Variants in PPP1R36 observed in about 807,000 individuals in gnomAD.
The protein encoded by PPP1R36 is protein phosphatase 1 regulatory subunit 36.
PPP1R36 carries 47 observed loss-of-function variants against 53.4 expected under a neutral mutation model. The observed-to-expected ratio is 0.88, with a 90% confidence interval of 0.70 to 1.12. The LOEUF (loss-of-function observed/expected upper bound fraction) is 1.12. Ranked by LOEUF, PPP1R36 falls within the 50% of genes most tolerant of loss-of-function variation. The probability of loss-of-function intolerance (pLI) is 0.00; values close to 1 mark genes in which losing one functional copy is unlikely to be tolerated. For missense variants in PPP1R36, 456 were observed against 513.9 expected (o/e 0.89, Z 1.09); for synonymous variants, 153 against 170.5 (o/e 0.90, Z 0.80).
At chr14:64,571,432 G>A (rs1210532338) in intron 7 of PPP1R36, among the ~76,000 whole-genome samples, 1 of 152,010 alleles carries the variant, frequency 6.6e-6, no homozygotes, top group Non-Finnish European at 1.5e-5. Flanking sequence ...CAGCCTGTAT[G>A]TACTTTTAAA....
intron 7 of PPP1R36, 32 bp downstream of exon 7, chr14:64,568,479 T>C: frequency 1.0e-6 from 1 of 981,008 alleles, no homozygotes; most frequent in Admixed American, 2.5e-5. Context: ...GCTTTAGAGT[T>C]TTATCACTGC....
At chr14:64,569,248 A>G (rs2080284322) in intron 7 of PPP1R36, among the ~76,000 whole-genome samples, 1 of 152,168 alleles carries the variant, frequency 6.6e-6, no homozygotes, top group South Asian at 2.1e-4. Flanking sequence ...AAGCCATGGA[A>G]CTTTCCACAC....
chr14:64,588,547 AG>A, intron 11 of PPP1R36: 1 of 309,864 alleles, frequency 3.2e-6, no homozygotes, highest in Non-Finnish European at 5.8e-6. Context: ...TGGAGGAGTG[AG>A]TAACTGATTT....
At chr14:64,583,682 C>T (rs528226543) in intron 8 of PPP1R36, among the ~76,000 whole-genome samples, 33 of 151,528 alleles carry the variant, frequency 2.2e-4, no homozygotes, top group African/African-American at 5.8e-4. Context: ...GGCGTGGTTG[C>T]GCATGTCTGT....
intron 5 of PPP1R36, 40 bp from the exon 6 acceptor site, chr14:64,565,586 C>T: frequency 6.4e-7 from 1 of 1,559,904 alleles, no homozygotes; most frequent in Non-Finnish European, 8.8e-7. Context: ...TCTAAGGTAG[C>T]TCTTTGTCCC....
At chr14:64,577,718 C>T (rs1427978187) in intron 8 of PPP1R36, among the ~76,000 whole-genome samples, 5 of 94,438 alleles carry the variant, frequency 5.3e-5, no homozygotes, top group South Asian at 3.9e-4. Flanking sequence ...GCCATGATTA[C>T]TTTTTTTTTT....
Position 64,565,356 on chromosome 14 carries a change from G to C in PPP1R36, c.270-1G>C, listed in dbSNP as rs773303543. ...CTAGAAACTGTTATATTCCAAAACA[G>C]GTTGACAGATAAAAGACTTGCTGCA... On this transcript the variant is annotated splice_acceptor_variant, in intron 4 of 11. Transcript: ENST00000298705. LOFTEE classifies it high-confidence loss of function. 6 of 1,608,558 alleles carry C rather than the reference G, an allele frequency of 3.7e-6. No individual in the cohort carries two copies. In the South Asian group the frequency reaches 6.6e-5, roughly 18 times the overall value.
At position 64,585,516 on chromosome 14, in the gene PPP1R36, CAA is replaced by C. The variant is rs57102182; in HGVS notation, c.669-1298_669-1297del. On this transcript the variant is annotated intron_variant, in intron 8 of 11. Transcript: ENST00000298705. The stretch of plus-strand genomic sequence containing the variant: ...TGGATGACAGAATGAGACCCTGTCT[CAA>C]AAAAAAAAAAAAAAAAAAAAAATTA... Among the ~76,000 whole-genome samples, 749 of 109,110 alleles carry C rather than the reference CAA, an allele frequency of 6.9e-3. 5 individuals carry two copies. Among genetic ancestry groups the C allele is most frequent in the African/African-American group, 0.018 (461 of 25,844 alleles). 71.6% of individuals were successfully genotyped at this position (109,110 alleles called of 152,430 possible).
At position 64,589,353 on chromosome 14, in the gene PPP1R36, T is replaced by A; in HGVS notation, c.*15T>A. ...GCCCTAAGTAACCTGGTACATTCCATATCTCAAGTAAACTACTTTGACTTT... is the reference window on the plus strand; with the variant it reads ...GCCCTAAGTAACCTGGTACATTCCAAATCTCAAGTAAACTACTTTGACTTT... On this transcript the variant is annotated 3_prime_UTR_variant, in exon 12 of 12. Coordinates refer to ENST00000298705, the MANE Select transcript of PPP1R36 (RefSeq NM_172365.3). 6.4e-7 allele frequency: 1 copy of A among 1,554,700 alleles called. No individual in the cohort carries two copies. Among genetic ancestry groups the A allele is most frequent in the South Asian group, 1.2e-5 (1 of 84,138 alleles).
intron 3 of PPP1R36, among the ~76,000 whole-genome samples, chr14:64,563,563 C>G (rs2080224676): frequency 6.6e-6 from 1 of 152,030 alleles, no homozygotes; most frequent in African/African-American, 2.4e-5. Context: ...ATGAATATTG[C>G]CAGGCAGTTG....
Position 64,568,466 on chromosome 14 carries a change from T to G in PPP1R36, c.533+19T>G. On this transcript the variant is annotated intron_variant, in intron 7 of 11. Coordinates refer to ENST00000298705, the MANE Select transcript of PPP1R36 (RefSeq NM_172365.3). ...ATATGGTGTAAGTAAGATTTTATAG[T>G]GTGCTTTAGAGTTTTATCACTGCCA... The G allele has an allele frequency of 8.2e-7, 1 of 1,218,056 alleles. No individual in the cohort carries two copies. Among genetic ancestry groups the G allele is most frequent in the Non-Finnish European group, 1.2e-6 (1 of 862,352 alleles). 75.5% of individuals were successfully genotyped at this position (1,218,056 alleles called of 1,614,324 possible).
intron 8 of PPP1R36, among the ~76,000 whole-genome samples, chr14:64,578,484 T>G (rs1162813722): frequency 6.6e-6 from 1 of 152,232 alleles, no homozygotes; most frequent in Non-Finnish European, 1.5e-5. Flanking sequence ...GAGACTTGTT[T>G]CAGTGTGTAC....
chr14:64,558,628 GTTTGT>G (rs1209677296), intron 3 of PPP1R36, among the ~76,000 whole-genome samples: 1 of 149,412 alleles, frequency 6.7e-6, no homozygotes, highest in Non-Finnish European at 1.5e-5. Context: ...TGCTTTTTTG[GTTTGT>G]TTTGTCTTTT....
chr14:64,580,927 C>T (rs2080383782), intron 8 of PPP1R36, among the ~76,000 whole-genome samples: 1 of 152,150 alleles, frequency 6.6e-6, no homozygotes, highest in Admixed American at 6.5e-5. Flanking sequence ...GAACTGGGGT[C>T]CGCTTGCCTG....
intron 1 of PPP1R36, 90 bp downstream of exon 1, chr14:64,550,156 C>G: frequency 6.7e-7 from 1 of 1,490,276 alleles, no homozygotes; most frequent in East Asian, 2.7e-5. Flanking sequence ...TCGCCCTCCT[C>G]CAGAGGCGGG....
Position 64,568,450 on chromosome 14 carries a change from A to C in PPP1R36, c.533+3A>C, listed in dbSNP as rs769548327. The C allele has an allele frequency of 7.1e-6, 10 of 1,413,280 alleles. No homozygotes were observed. The Admixed American group carries it at 2.0e-4, about 29-fold the overall frequency. The allele number at this position is 1,413,280 out of a possible 1,614,324, so 87.5% of individuals were successfully genotyped here. On this transcript the variant is annotated splice_donor_region_variant and intron_variant, in intron 7 of 11. Transcript: ENST00000298705. ...AAGAAACCCAAAAGCTATATGGTGTAAGTAAGATTTTATAGTGTGCTTTAG... is the reference window on the plus strand; with the variant it reads ...AAGAAACCCAAAAGCTATATGGTGTCAGTAAGATTTTATAGTGTGCTTTAG...
At chr14:64,552,695 T>C (rs1024753689) in intron 2 of PPP1R36, 119 bp from the exon 3 acceptor site, 2 of 718,432 alleles carry the variant, frequency 2.8e-6, no homozygotes, top group Admixed American at 5.0e-5. Flanking sequence ...AACAAATAAT[T>C]CAAAGGCTTA....
intron 7 of PPP1R36, among the ~76,000 whole-genome samples, chr14:64,570,850 C>G (rs560204712): frequency 4.6e-4 from 70 of 152,238 alleles, no homozygotes; most frequent in African/African-American, 1.7e-3. Context: ...AAAGAAGAAG[C>G]CTTATCCCTA....
intron 3 of PPP1R36, 114 bp downstream of exon 3, chr14:64,552,975 ATT>A (rs201070060): frequency 1.1e-3 from 748 of 698,460 alleles, no homozygotes; most frequent in South Asian, 1.8e-3. Context: ...TTAAGTGCCA[ATT>A]TTTTTTTTTT....
Sources: gnomAD v4.1 joint callset for allele counts (sites outside exome capture counted in the v4.1 genomes callset) on GRCh38, gnomAD v4.1.1 for gene constraint, MANE v1.5 for transcripts, NCBI Gene and HGNC (gene_info 2026-07-23, HGNC 2026-07-21) for gene names.